The following ZBTB37 variants were observed in gnomAD, a reference collection of about 807,000 sequenced individuals.
ZBTB37 encodes the protein zinc finger and BTB domain containing 37, also known as zinc finger and BTB domain-containing protein 37.
ZBTB37 carries 15 observed loss-of-function variants against 37.7 expected under a neutral mutation model. The ratio of observed to expected loss-of-function variants is 0.40; its 90% CI spans 0.27 to 0.61. The LOEUF is 0.61. Ranked by LOEUF, ZBTB37 falls within the 20% of genes least tolerant of loss-of-function variation. The pLI, the probability that ZBTB37 is intolerant of heterozygous loss-of-function variation, is 0.44. For synonymous variants in ZBTB37, 231 were observed against 220.6 expected (o/e 1.05, Z -0.42); for missense variants, 514 against 641.9 (o/e 0.80, Z 2.15).
At chr1:173,870,479 C>A in exon 3 of ZBTB37, 1 of 1,614,238 alleles carries the variant, frequency 6.2e-7, no homozygotes, top group Non-Finnish European at 8.5e-7. Context: ...CAGCTCCTTT[C>A]TTTCTGTTAC....
intron 2 of ZBTB37, among the ~76,000 whole-genome samples, chr1:173,869,881 TA>T (rs1251331659): frequency 1.3e-5 from 2 of 152,246 alleles, no homozygotes; most frequent in Admixed American, 6.5e-5. Context: ...AGTTAACACT[TA>T]AAAGTCCTTC....
chr1:173,895,096 C>T (rs2102762298), exon 4 of ZBTB37: 1 of 152,192 alleles, frequency 6.6e-6, no homozygotes. Flanking sequence ...AAAAAGCTTA[C>T]ATTTTTTTTG....
rs746770658 is a variant in ZBTB37 at position 173,873,514 on chromosome 1, C to G, written c.971C>G (p.Ala324Gly). The G allele has an allele frequency of 1.9e-6, 3 of 1,613,796 alleles. No individual in the cohort carries two copies. In the East Asian group the frequency reaches 6.7e-5, roughly 36 times the overall value. Residue 324 changes from alanine (A) to glycine (G), a missense_variant, in exon 4 of 5, where the codon GCC (alanine) becomes GGC (glycine). Ala to Gly is a moderately conservative substitution (Grantham distance 60). Transcript: ENST00000427304. The stretch of plus-strand genomic sequence containing the variant: ...GTTCCCTTGACAGAGAGACACAGAG[C>G]CAGAAGTGAGTCTCCTGGGAGAATG...
chr1:173,897,773 T>C (rs932369389), exon 4 of ZBTB37: 3 of 152,232 alleles, frequency 2.0e-5, no homozygotes, highest in Admixed American at 2.0e-4. Flanking sequence ...TCAGCTCCTC[T>C]ACCTCTGAGC....
At chr1:173,885,809 A>C (rs1572070577) in exon 5 of ZBTB37, 1 of 1,551,734 alleles carries the variant, frequency 6.4e-7, no homozygotes, top group South Asian at 1.2e-5. Context: ...TGGGGATCAC[A>C]CCATTCGTCT....
chr1:173,875,641 G>C (rs905346868), intron 4 of ZBTB37, among the ~76,000 whole-genome samples: 1 of 151,686 alleles, frequency 6.6e-6, no homozygotes, highest in African/African-American at 2.4e-5. Flanking sequence ...TTATATATTT[G>C]TAAACAAATT....
intron 4 of ZBTB37, among the ~76,000 whole-genome samples, chr1:173,874,951 C>T (rs1572054578): frequency 4.6e-5 from 7 of 151,570 alleles, no homozygotes; most frequent in South Asian, 2.1e-4. Flanking sequence ...AATACACTTT[C>T]GATGTCAGCA....
exon 4 of ZBTB37, chr1:173,899,358 A>G (rs757938092): frequency 6.6e-6 from 1 of 152,182 alleles, no homozygotes; most frequent in Non-Finnish European, 1.5e-5. Context: ...TTGCTATAAC[A>G]CATACTTAAG....
chr1:173,872,042 A>G (rs1655600755), intron 3 of ZBTB37, among the ~76,000 whole-genome samples: 1 of 152,214 alleles, frequency 6.6e-6, no homozygotes, highest in African/African-American at 2.4e-5. Context: ...TGTATACTGT[A>G]TCCACTTCAG....
rs555122813 is a variant in ZBTB37, at chr1:173,899,083, A to G, written c.*12959A>G. ...ATGTGAAATTCCAAATAATAAGACA[A>G]GCATTACTCACAAATAACAACTGAT... is the stretch of plus-strand genomic sequence containing the variant. On this transcript the variant is annotated 3_prime_UTR_variant, in exon 4 of 4. Coordinates refer to the ZBTB37 transcript ENST00000367701. 3 of 152,352 alleles carry G rather than the reference A, an allele frequency of 2.0e-5. No homozygotes were observed. The South Asian group carries it at 6.2e-4, about 32-fold the overall frequency. The allele number at this position is 152,352 out of a possible 1,614,324, so 9.4% of individuals were successfully genotyped here.
intron 4 of ZBTB37, among the ~76,000 whole-genome samples, chr1:173,878,896 C>G (rs1656131667): frequency 1.3e-5 from 2 of 152,080 alleles, no homozygotes; most frequent in Non-Finnish European, 2.9e-5. Flanking sequence ...CAAGACAAGC[C>G]TGGCTAACAT....
intron 4 of ZBTB37, among the ~76,000 whole-genome samples, chr1:173,878,883 G>T (rs1424061908): frequency 1.3e-5 from 2 of 151,984 alleles, no homozygotes; most frequent in Non-Finnish European, 1.5e-5. Context: ...CAGGAGTGAG[G>T]TTCAAGACAA....
At chr1:173,902,769 A>G (rs1657318212) in exon 4 of ZBTB37, 1 of 152,182 alleles carries the variant, frequency 6.6e-6, no homozygotes, top group South Asian at 2.1e-4. Context: ...CTGAAACCAG[A>G]TTACTTCAGG....
downstream of ZBTB37, chr1:173,889,542 A>G (rs1240291928): frequency 6.6e-6 from 1 of 152,248 alleles, no homozygotes; most frequent in Admixed American, 6.5e-5. Flanking sequence ...CAAAGAAGAG[A>G]GACGGAAGTA....
At chr1:173,882,125 T>C (rs775318601) in intron 4 of ZBTB37, among the ~76,000 whole-genome samples, 15 of 152,094 alleles carry the variant, frequency 9.9e-5, no homozygotes, top group Non-Finnish European at 1.8e-4. Flanking sequence ...TTTTTTCTTG[T>C]AAATTTGTTT....
At chr1:173,874,366 G>A (rs1655783963) in intron 4 of ZBTB37, among the ~76,000 whole-genome samples, 2 of 144,826 alleles carry the variant, frequency 1.4e-5, no homozygotes, top group African/African-American at 5.2e-5. Context: ...ACGGAGTCTC[G>A]AGTCTCACCC....
At chr1:173,878,016 C>T (rs1286743043) in intron 4 of ZBTB37, among the ~76,000 whole-genome samples, 2 of 152,170 alleles carry the variant, frequency 1.3e-5, no homozygotes, top group African/African-American at 4.8e-5. Flanking sequence ...CCAACTTTTC[C>T]CACCACTCAT....
At chr1:173,886,322 A>T in exon 5 of ZBTB37, 1 of 765,174 alleles carries the variant, frequency 1.3e-6, no homozygotes, top group Non-Finnish European at 2.0e-6. Flanking sequence ...CCCGCCTCAC[A>T]CTTTGGAAAA....
At chr1:173,886,089 G>C in exon 5 of ZBTB37, 1 of 1,551,576 alleles carries the variant, frequency 6.4e-7, no homozygotes, top group Non-Finnish European at 8.7e-7. Flanking sequence ...TGGGGAAGCT[G>C]TCCAGGGCTC....
Sources: allele counts gnomAD v4.1 joint callset (sites outside exome capture counted in the v4.1 genomes callset), GRCh38; gene constraint gnomAD v4.1.1; transcripts MANE v1.5; gene names NCBI Gene and HGNC (gene_info 2026-07-23, HGNC 2026-07-21).